Variants in LRRC71 observed in about 807,000 individuals in gnomAD.
LRRC71 encodes leucine-rich repeat-containing protein 71.
LRRC71 carries 54 observed loss-of-function variants against 66.6 expected under a neutral mutation model. The observed-to-expected ratio is 0.81, with a 90% CI of 0.65 to 1.02. The LOEUF is 1.02. Among genes scored for constraint, LRRC71 ranks in the 50% least tolerant of loss-of-function variants. LRRC71 has a pLI of 0.00. For missense variants in LRRC71, 724 were observed against 718.0 expected (o/e 1.01, Z -0.10); for synonymous variants, 323 against 303.9 (o/e 1.06, Z -0.65).
intron 9 of LRRC71, among the ~76,000 whole-genome samples, chr1:156,928,563 CTT>C (rs58180096): frequency 0.016 from 1,261 of 80,174 alleles, 18 homozygotes; most frequent in African/African-American, 0.048. Context: ...CTTCTTCTTA[CTT>C]TTTTTTTTTT....
chr1:156,939,357 G>A, the LRRC71 span: 1 of 725,260 alleles, frequency 1.4e-6, no homozygotes, highest in Non-Finnish European at 2.3e-6. Context: ...GCAGAGCTAA[G>A]CTCTGAATCT....
chr1:156,936,497 A>ATATATATATATAT (rs1553192805), downstream of LRRC71, among the ~76,000 whole-genome samples: 28 of 33,926 alleles, frequency 8.3e-4, no homozygotes, highest in Non-Finnish European at 9.7e-4. Flanking sequence ...AAAAAAAAAA[A>ATATATATATATAT]ATATATATAT....
chr1:156,939,812 G>A, the LRRC71 span: 1 of 1,613,810 alleles, frequency 6.2e-7, no homozygotes, highest in South Asian at 1.1e-5. Flanking sequence ...ATGACAGAAG[G>A]TGTGGGTGTC....
At position 156,927,937 on chromosome 1, in the gene LRRC71, C is replaced by T. The variant is rs1398347221; in HGVS notation, c.929C>T (p.Thr310Ile). The T allele has an allele frequency of 6.2e-7, 1 of 1,612,022 alleles. No homozygotes were observed. Among genetic ancestry groups the T allele is most frequent in the East Asian group, 2.2e-5 (1 of 44,864 alleles). The change falls in exon 9 of 15, where the codon ACA (threonine) becomes ATA (isoleucine). Residue 310 changes from threonine to isoleucine, a missense_variant. Thr to Ile is a moderately conservative substitution (Grantham distance 89). Coordinates refer to ENST00000337428, the MANE Select transcript of LRRC71 (RefSeq NM_144702.3). ...LAEVLRAFELTHTEVVERRRL... is the reference protein window; with the variant it reads ...LAEVLRAFELIHTEVVERRRL... ...CAGGTCCTGCGCGCCTTCGAGCTGA[C>T]ACACACCGAAGTGGTGGAGCGCCGA...
At position 156,931,978 on chromosome 1, in the gene LRRC71, G is replaced by T; in HGVS notation, c.1392G>T (p.Gly464=). The T allele has an allele frequency of 1.2e-6, 2 of 1,601,950 alleles. No homozygotes were observed. Among genetic ancestry groups the T allele is most frequent in the Non-Finnish European group, 1.7e-6 (2 of 1,174,156 alleles). ...TGGAGCCTGTGGAGCACCGAGATGG[G>T]AAAGTTTTCATGCCTGGGAACAAGG... The part of the protein sequence containing the change: ...PLLEPVEHRD[G]KVFMPGNKVL... Residue 464 remains glycine (G), a synonymous_variant, in exon 13 of 15, where the codon GGG becomes GGT. Transcript: ENST00000337428.
At position 156,924,523 on chromosome 1, in the gene LRRC71, G is replaced by T; in HGVS notation, c.410G>T (p.Ser137Ile). 1 of 1,551,564 alleles carries T rather than the reference G, an allele frequency of 6.4e-7. No homozygotes were observed. The highest frequency in any genetic ancestry group is 8.7e-7 in the Non-Finnish European group (1 of 1,147,008). Residue 137 changes from serine (S) to isoleucine (I), a missense_variant, in exon 3 of 15, where the codon AGC (serine) becomes ATC (isoleucine). Physicochemically the swap from Ser to Ile is moderately radical, Grantham distance 142 (BLOSUM62 -2). Transcript: ENST00000337428. ...TIQVELEQEDSKSVKEIYIRG... is the reference protein window; with the variant it reads ...TIQVELEQEDIKSVKEIYIRG... Reference sequence around the variant, plus strand: ...CAGGTGGAGCTGGAGCAGGAGGACAGCAAGTCAGTGAAGGAAATCTACATC... The same window carrying T: ...CAGGTGGAGCTGGAGCAGGAGGACATCAAGTCAGTGAAGGAAATCTACATC...
At chr1:156,938,430 T>C in the LRRC71 span, 1 of 1,613,774 alleles carries the variant, frequency 6.2e-7, no homozygotes. Context: ...GTAGCCTTTG[T>C]TCCGCCTTCC....
Position 156,924,961 on chromosome 1 carries a change from A to T in LRRC71, c.539A>T (p.Asp180Val). The stretch of plus-strand genomic sequence containing the variant: ...AGCTTGTGGAAGGTGGGGCTGACCG[A>T]TAAGACCCTGACCACCTTCATCGAG... ...AINLWKVGLT[D>V]KTLTTFIELL... Residue 180 changes from aspartate to valine, a missense_variant, in exon 5 of 15, where the codon GAT becomes GTT. Coordinates refer to ENST00000337428, the MANE Select transcript of LRRC71 (RefSeq NM_144702.3). 6.4e-7 allele frequency: 1 copy of T among 1,551,626 alleles called. No homozygotes were observed. The highest frequency in any genetic ancestry group is 8.7e-7 in the Non-Finnish European group (1 of 1,146,974).
At chr1:156,930,710 T>A (rs1417027721) in intron 12 of LRRC71, 93 bp downstream of exon 12, 40 of 1,188,888 alleles carry the variant, frequency 3.4e-5, no homozygotes, top group Non-Finnish European at 4.1e-5. Flanking sequence ...TGGAATGTGG[T>A]CTCCAGCCCC....
intron 9 of LRRC71, among the ~76,000 whole-genome samples, chr1:156,928,229 T>C (rs1653541184): frequency 6.6e-6 from 1 of 152,224 alleles, no homozygotes; most frequent in Non-Finnish European, 1.5e-5. Flanking sequence ...GGTTCAGAGA[T>C]AGGACACTAG....
Position 156,929,302 on chromosome 1 carries a change from A to T in LRRC71, c.1019A>T (p.Asp340Val). 1 of 1,608,138 alleles carries T rather than the reference A, an allele frequency of 6.2e-7. No homozygotes were observed. The highest frequency in any genetic ancestry group is 2.2e-5 in the East Asian group (1 of 44,632). The change falls in exon 10 of 15, where the codon GAC becomes GTC. Residue 340 changes from aspartate to valine, a missense_variant. By Grantham distance (152) the Asp-to-Val change is radical. Transcript: ENST00000337428. ...CAGCCCTCCTCCTCTCGACACGGGG[A>T]CTCCAAAACGGACCGTGAGAAGAGT... Reference protein sequence around the residue: ...SRSPSSSRHGDSKTDREKSQM... With the variant: ...SRSPSSSRHGVSKTDREKSQM...
the LRRC71 span, chr1:156,940,174 C>T: frequency 6.5e-7 from 1 of 1,538,494 alleles, no homozygotes. Flanking sequence ...GACTGGGGAC[C>T]AGGGGCTGAC....
the LRRC71 span, chr1:156,939,656 G>A: frequency 6.2e-7 from 1 of 1,613,914 alleles, no homozygotes; most frequent in Non-Finnish European, 8.5e-7. Context: ...CTGGTCCTTG[G>A]GGGTAGGTGT....
chr1:156,929,553 G>A, intron 10 of LRRC71, 83 bp from the exon 11 acceptor site: 1 of 1,533,936 alleles, frequency 6.5e-7, no homozygotes, highest in South Asian at 1.2e-5. Flanking sequence ...AAGGCCCCGG[G>A]TCCTAACCTG....
At chr1:156,940,321 G>A in the LRRC71 span, 1 of 1,613,940 alleles carries the variant, frequency 6.2e-7, no homozygotes, top group Non-Finnish European at 8.5e-7. Flanking sequence ...GATGTGGAAG[G>A]GCAAGGCAGG....
rs1653986538 is a variant in LRRC71, at chr1:156,929,730, G to GT, written c.1240+2dup. 5.1e-5 allele frequency: 80 copies of GT among 1,558,502 alleles called. 1 individual carries two copies. In the East Asian group the frequency reaches 1.9e-3, roughly 38 times the overall value. On this transcript the variant is annotated splice_donor_variant, in intron 11 of 14. Coordinates refer to ENST00000337428, the MANE Select transcript of LRRC71 (RefSeq NM_144702.3). LOFTEE classifies it high-confidence loss of function. ...GATGCCACAAAGGCAGGCAAGGGGA[G>GT]TAAGTGCGGGTGCCCCTGGGTGGCA...
the LRRC71 span, chr1:156,940,244 C>G: frequency 6.2e-7 from 1 of 1,605,664 alleles, no homozygotes; most frequent in Non-Finnish European, 8.5e-7. Flanking sequence ...CTTCCATGAA[C>G]AGAGGGCCTG....
chr1:156,924,343 C>A, intron 2 of LRRC71, 81 bp from the exon 3 acceptor site: 1 of 1,500,630 alleles, frequency 6.7e-7, no homozygotes, highest in Non-Finnish European at 8.9e-7. Context: ...GTCCTCCAAT[C>A]CCACCCGGGC....
chr1:156,937,017 G>A (rs186910518), downstream of LRRC71: 466 of 1,609,990 alleles, frequency 2.9e-4, 3 homozygotes, highest in African/African-American at 4.5e-3. Context: ...TGGAAGAGTC[G>A]GCGGGGGAAT....
Sources: gnomAD v4.1 joint callset for allele counts (sites outside exome capture counted in the v4.1 genomes callset) on GRCh38, gnomAD v4.1.1 for gene constraint, MANE v1.5 for transcripts, NCBI Gene and HGNC (gene_info 2026-07-23, HGNC 2026-07-21) for gene names.